The following NOL9 variants were observed in gnomAD, a reference collection of about 807,000 sequenced individuals.
The protein encoded by NOL9 is nucleolar protein 9, also known as polynucleotide 5'-hydroxyl-kinase NOL9.
NOL9 carries 28 observed loss-of-function variants against 67.9 expected under a neutral mutation model. The observed-to-expected ratio is 0.41, with a 90% confidence interval of 0.31 to 0.57. The LOEUF (loss-of-function observed/expected upper bound fraction) is 0.57. NOL9 is among the 20% of genes least tolerant of loss of function. NOL9 has a pLI of 0.25. For missense variants in NOL9, 777 were observed against 897.0 expected (o/e 0.87, Z 1.71); for synonymous variants, 356 against 352.2 (o/e 1.01, Z -0.12).
Position 6,521,510 on chromosome 1 carries a change from T to C in NOL9, c.*4344A>G, listed in dbSNP as rs1407926995. 1.3e-5 allele frequency: 2 copies of C among 152,160 alleles called. No homozygotes were observed. The highest frequency in any genetic ancestry group is 2.9e-5 in the Non-Finnish European group (2 of 68,026). 9.4% of individuals were successfully genotyped at this position (152,160 alleles called of 1,614,324 possible). Reference sequence around the variant, plus strand: ...TACTATGTGGTGGTGGGCTGGAGGATCATTTTCTACATGTGTAAGCTGCTT... The same window carrying C: ...TACTATGTGGTGGTGGGCTGGAGGACCATTTTCTACATGTGTAAGCTGCTT... On this transcript the variant is annotated 3_prime_UTR_variant, in exon 12 of 12. Coordinates refer to ENST00000377705, the MANE Select transcript of NOL9 (RefSeq NM_024654.5).
chr1:6,540,895 T>C (rs1390764165), intron 6 of NOL9: 1 of 151,302 alleles, frequency 6.6e-6, no homozygotes, highest in Non-Finnish European at 1.5e-5. Context: ...ACTGGAATGA[T>C]ACAGAGAAGA....
At chr1:6,543,397 G>A (rs955663945) in intron 5 of NOL9, among the ~76,000 whole-genome samples, 11 of 152,032 alleles carry the variant, frequency 7.2e-5, no homozygotes, top group African/African-American at 9.7e-5. Flanking sequence ...GGGTTTCCCC[G>A]TGTTAGCCAG....
At position 6,525,870 on chromosome 1, in the gene NOL9, C is replaced by T. The variant is rs1382076060; in HGVS notation, c.2093G>A (p.Cys698Tyr). The change falls in exon 12 of 12, where the codon TGT becomes TAT. Residue 698 changes from cysteine to tyrosine, a missense_variant. Cys to Tyr is a radical substitution (Grantham distance 194). Around this residue, in one of 2 missense-constraint regions of NOL9, gnomAD observed 413 missense variants for 552.6 expected, o/e 0.75. Coordinates refer to ENST00000377705, the MANE Select transcript of NOL9 (RefSeq NM_024654.5). ...ACGCGAGCATCACTTCATTTTTCGA[C>T]AGAACTTAGGTCTTCGGTATGGTTT... ...KEKPYRRPKF[C>Y]RKMK The T allele has an allele frequency of 3.1e-6, 5 of 1,614,018 alleles. No homozygotes were observed. Among genetic ancestry groups the T allele is most frequent in the Non-Finnish European group, 4.2e-6 (5 of 1,179,996 alleles).
At chr1:6,529,249 G>A in intron 9 of NOL9, 78 bp from the exon 10 acceptor site, 2 of 1,326,618 alleles carry the variant, frequency 1.5e-6, no homozygotes, top group Non-Finnish European at 1.1e-6. Context: ...AGATTAACCA[G>A]CTATCTAAAG....
chr1:6,549,265 GAACCAACCAACC>G (rs34485217), intron 3 of NOL9: 113 of 229,932 alleles, frequency 4.9e-4, no homozygotes, highest in Admixed American at 1.6e-3. Flanking sequence ...TCAAAAAAAC[GAACCAACCAACC>G]AACCAACCAA....
intron 6 of NOL9, among the ~76,000 whole-genome samples, chr1:6,541,554 A>G (rs966039240): frequency 3.3e-5 from 5 of 152,140 alleles, no homozygotes; most frequent in African/African-American, 1.2e-4. Flanking sequence ...AATTAGGGAA[A>G]CATGTGTTTC....
chr1:6,547,980 G>A lies in NOL9; in HGVS notation c.744+1591C>T, dbSNP rs192206266. ...AGGCTTCCTACAATACACCGTCATA[G>A]GCTTCCTACAATACAGGCTCTAACA... On this transcript the variant is annotated intron_variant, in intron 3 of 11. Coordinates refer to ENST00000377705, the MANE Select transcript of NOL9 (RefSeq NM_024654.5). 29 of 289,676 alleles carry A rather than the reference G, an allele frequency of 1.0e-4. No individual in the cohort carries two copies. In the East Asian group the frequency reaches 2.1e-3, roughly 21 times the overall value. The allele number at this position is 289,676 out of a possible 1,614,324, so 17.9% of individuals were successfully genotyped here. A position where few individuals can be genotyped will look rare whatever the true frequency, so the allele number is the denominator to read the frequency against.
Position 6,544,814 on chromosome 1 carries a change from A to G in NOL9, c.977+12T>C, listed in dbSNP as rs920403503. 1 of 1,613,340 alleles carries G rather than the reference A, an allele frequency of 6.2e-7. No individual in the cohort carries two copies. Among genetic ancestry groups the G allele is most frequent in the African/African-American group, 1.3e-5 (1 of 74,922 alleles). On this transcript the variant is annotated intron_variant, in intron 5 of 11. Transcript: ENST00000377705. ...TAGCAATGTGTCAAAGCCATAAGAA[A>G]AGCACTCTTACCTATTTAACAAATG...
rs769106013 is a variant in NOL9, at chr1:6,549,547, ACT to A, written c.744+22_744+23del. On this transcript the variant is annotated intron_variant, in intron 3 of 11. Transcript: ENST00000377705. ...TGTTTTGGTGCAAGTAATTAGCAAA[ACT>A]CTGAATGAAAACGGGTTCTACCTCT... The A allele has an allele frequency of 2.0e-5, 32 of 1,610,674 alleles. No individual in the cohort carries two copies. In the East Asian group the frequency reaches 7.1e-4, roughly 36 times the overall value.
At chr1:6,526,965 G>A (rs780204359) in intron 10 of NOL9, 136 bp from the exon 11 acceptor site, 195 of 1,195,510 alleles carry the variant, frequency 1.6e-4, no homozygotes, top group Non-Finnish European at 2.1e-4. Flanking sequence ...CAAAGAGCTG[G>A]CCAGGTGCAG....
rs1278215871 is a variant in NOL9 at position 6,523,862 on chromosome 1, T to C, written c.*1992A>G. 6.6e-6 allele frequency: 1 copy of C among 152,230 alleles called. No homozygotes were observed. Among genetic ancestry groups the C allele is most frequent in the Non-Finnish European group, 1.5e-5 (1 of 68,054 alleles). 9.4% of individuals were successfully genotyped at this position (152,230 alleles called of 1,614,324 possible). On this transcript the variant is annotated 3_prime_UTR_variant, in exon 12 of 12. Transcript: ENST00000377705. ...ACTGAAGAAAAAGACTTGACCTTCA[T>C]ACAGGCCGCATTTAAAGCCTGAAGG...
rs10158949 is a variant in NOL9 at position 6,523,641 on chromosome 1, T to C, written c.*2213A>G. The C allele has an allele frequency of 0.83, 123,231 of 148,740 alleles. 51,813 individuals carry two copies. The highest frequency in any genetic ancestry group is 0.89 in the Non-Finnish European group (60,373 of 67,804). 9.2% of individuals were successfully genotyped at this position (148,740 alleles called of 1,614,324 possible). On this transcript the variant is annotated 3_prime_UTR_variant, in exon 12 of 12. Coordinates refer to ENST00000377705, the MANE Select transcript of NOL9 (RefSeq NM_024654.5). ...CACTGCCATCAATAATGGGATGAATTGTCATCCTGGAGAATGGTGCTGCTG... is the reference window on the plus strand; with the variant it reads ...CACTGCCATCAATAATGGGATGAATCGTCATCCTGGAGAATGGTGCTGCTG...
rs1001130065 is a variant in NOL9, at chr1:6,554,052, C to A, written c.396+55G>T. 4 of 1,423,266 alleles carry A rather than the reference C, an allele frequency of 2.8e-6. No individual in the cohort carries two copies. In the African/African-American group the frequency reaches 6.0e-5, roughly 21 times the overall value. 88.2% of individuals were successfully genotyped at this position (1,423,266 alleles called of 1,614,324 possible). On this transcript the variant is annotated intron_variant, in intron 1 of 11. Coordinates refer to ENST00000377705, the MANE Select transcript of NOL9 (RefSeq NM_024654.5). ...CTCCTACCCTGCAGCTCTCCCGGGG[C>A]TGCCTCTCCAGCCCTCCCTGCCCTC...
intron 2 of NOL9, among the ~76,000 whole-genome samples, 190 bp from the exon 3 acceptor site, chr1:6,549,888 C>T (rs550431094): frequency 6.6e-6 from 1 of 152,208 alleles, no homozygotes; most frequent in South Asian, 2.1e-4. Flanking sequence ...AGGTTTGCCA[C>T]ATAATAATTC....
intron 3 of NOL9, 125 bp downstream of exon 3, chr1:6,549,446 A>T: frequency 9.5e-7 from 1 of 1,050,900 alleles, no homozygotes; most frequent in South Asian, 1.7e-5. Context: ...CACGTATTAC[A>T]TTCTGTAGGA....
chr1:6,535,896 C>T (rs745812594), intron 6 of NOL9, among the ~76,000 whole-genome samples: 1 of 149,308 alleles, frequency 6.7e-6, no homozygotes, highest in African/African-American at 2.5e-5. Context: ...CTATTGCACT[C>T]CAGCCTGGGC....
chr1:6,527,044 G>A (rs1440190545), intron 10 of NOL9, among the ~76,000 whole-genome samples: 3 of 152,058 alleles, frequency 2.0e-5, no homozygotes, highest in Non-Finnish European at 2.9e-5. Context: ...TCAGGAGTTC[G>A]AGACCAGCTT....
In NOL9 at chr1:6,532,570, A is replaced by G. The variant is rs17029612; in HGVS notation, c.1428T>C (p.Asp476=). ...TTTCTTCATCAGCAAATTCCAAAGC[A>G]TCTGCAAATGCTGCGAGTCTGAAAC... The part of the protein sequence containing the change: ...NRRFRLAAFA[D]ALEFADEEKE... The change falls in exon 8 of 12, where the codon GAT becomes GAC. Residue 476 remains aspartate, a synonymous_variant. Coordinates refer to ENST00000377705, the MANE Select transcript of NOL9 (RefSeq NM_024654.5). 2.2e-3 allele frequency: 3,565 copies of G among 1,614,212 alleles called. 108 individuals carry two copies. The East Asian group carries it at 0.068, about 31-fold the overall frequency.
At chr1:6,550,771 C>T (rs1258038335) in intron 1 of NOL9, among the ~76,000 whole-genome samples, 156 bp from the exon 2 acceptor site, 1 of 150,916 alleles carries the variant, frequency 6.6e-6, no homozygotes, top group Middle Eastern at 3.2e-3. Context: ...GCAACCTCCA[C>T]CTCCCAGGTT....
Sources: gnomAD v4.1 joint callset for allele counts (sites outside exome capture counted in the v4.1 genomes callset) on GRCh38, gnomAD v4.1.1 for gene constraint, gnomAD v4.1.1 regional missense constraint, MANE v1.5 for transcripts, NCBI Gene and HGNC (gene_info 2026-07-23, HGNC 2026-07-21) for gene names.